Variants in PDK1 observed in about 807,000 individuals in gnomAD.
The protein encoded by PDK1 is [Pyruvate dehydrogenase (acetyl-transferring)] kinase isozyme 1, mitochondrial.
A neutral mutation model predicts 54.2 loss-of-function variants in PDK1; 39 were observed. That is an observed-to-expected ratio of 0.72 (90% confidence interval 0.56 to 0.94). The LOEUF is 0.94. Among genes scored for constraint, PDK1 ranks in the 40% least tolerant of loss-of-function variants. PDK1 has a pLI of 0.00. For missense variants in PDK1, 552 were observed against 566.0 expected (o/e 0.98, Z 0.25); for synonymous variants, 221 against 207.1 (o/e 1.07, Z -0.58).
the PDK1 span, among the ~76,000 whole-genome samples, chr2:172,688,861 C>T: frequency 2.0e-5 from 3 of 152,184 alleles, no homozygotes; most frequent in Non-Finnish European, 4.4e-5. Context: ...GCATCTTCTG[C>T]TGAAGGTGTG....
the PDK1 span, among the ~76,000 whole-genome samples, chr2:172,661,939 C>A: frequency 6.6e-6 from 1 of 152,194 alleles, no homozygotes; most frequent in African/African-American, 2.4e-5. Context: ...TGCGTTTGTA[C>A]ACTCTGAGTC....
chr2:172,699,478 C>CTTTTTTTTTT, the PDK1 span, among the ~76,000 whole-genome samples: 1 of 130,234 alleles, frequency 7.7e-6, no homozygotes, highest in Non-Finnish European at 1.6e-5. Flanking sequence ...CCTCATCTGA[C>CTTTTTTTTTT]TTTTTTTTTT....
At chr2:172,563,265 G>A (rs1688752836) in intron 3 of PDK1, among the ~76,000 whole-genome samples, 2 of 152,094 alleles carry the variant, frequency 1.3e-5, no homozygotes. Context: ...ATACAGATTT[G>A]TGTTTCTTTG....
chr2:172,559,227 G>C (rs1054178524), intron 2 of PDK1, among the ~76,000 whole-genome samples: 2 of 152,078 alleles, frequency 1.3e-5, no homozygotes, highest in Non-Finnish European at 2.9e-5. Flanking sequence ...GATTACAGAC[G>C]TGAGCCACCG....
intron 7 of PDK1, among the ~76,000 whole-genome samples, chr2:172,569,275 G>A (rs2149225387): frequency 6.6e-6 from 1 of 152,244 alleles, no homozygotes; most frequent in Admixed American, 6.5e-5. Flanking sequence ...ACCCTCAAAG[G>A]ACCAGAATTC....
chr2:172,689,731 C>G, the PDK1 span, among the ~76,000 whole-genome samples: 2 of 151,884 alleles, frequency 1.3e-5, no homozygotes, highest in Non-Finnish European at 2.9e-5. Flanking sequence ...ACAAACCTGA[C>G]AAAAACAAGA....
At chr2:172,720,110 CTCTCTCTTTT>C in the PDK1 span, among the ~76,000 whole-genome samples, 2 of 103,388 alleles carry the variant, frequency 1.9e-5, no homozygotes, top group African/African-American at 7.7e-5. Context: ...CTCTCTCTCT[CTCTCTCTTTT>C]TTTTTTTTTT....
Position 172,570,777 on chromosome 2 carries a change from C to T in PDK1, c.898C>T (p.Pro300Ser), listed in dbSNP as rs755995707. The T allele has an allele frequency of 3.1e-6, 5 of 1,612,110 alleles. No individual in the cohort carries two copies. The South Asian group carries it at 3.3e-5, about 11-fold the overall frequency. The change falls in exon 8 of 11, where the codon CCT becomes TCT. Residue 300 changes from proline (P) to serine (S), a missense_variant. Transcript: ENST00000282077. The part of the protein sequence containing the change: ...EHHANRGVYP[P>S]IQVHVTLGNE... ...CCATGCCAACAGAGGTGTTTACCCC[C>T]CTATTCAAGTTCATGTCACGCTGGG...
Position 172,608,021 on chromosome 2 carries a change from A to G in PDK1, c.*12052A>G, listed in dbSNP as rs1389588603. The G allele has an allele frequency of 9.9e-5, 15 of 152,218 alleles. No homozygotes were observed. Among genetic ancestry groups the G allele is most frequent in the Admixed American group, 9.8e-4 (15 of 15,290 alleles). The allele number at this position is 152,218 out of a possible 1,614,324, so 9.4% of individuals were successfully genotyped here. ...GTAAAAGGTAAAAATCTGAATAATA[A>G]AGTTTATTAATAACAGTTTTAGTTA... On this transcript the variant is annotated 3_prime_UTR_variant, in exon 11 of 11. Coordinates refer to ENST00000282077, the MANE Select transcript of PDK1 (RefSeq NM_002610.5).
the PDK1 span, among the ~76,000 whole-genome samples, chr2:172,634,076 A>G: frequency 6.0e-5 from 9 of 150,666 alleles, no homozygotes; most frequent in African/African-American, 1.9e-4. Context: ...GGGTTTCACT[A>G]TGTTGGCCAG....
the PDK1 span, among the ~76,000 whole-genome samples, chr2:172,705,462 C>T: frequency 2.0e-5 from 3 of 152,182 alleles, no homozygotes; most frequent in Non-Finnish European, 4.4e-5. Flanking sequence ...TCTATTCTGC[C>T]CTATCTTATT....
chr2:172,664,311 C>CAAAAAAA, the PDK1 span, among the ~76,000 whole-genome samples: 1,033 of 43,802 alleles, frequency 0.024, 247 homozygotes, highest in African/African-American at 0.069. Context: ...AACTCTGCCT[C>CAAAAAAA]AAAAAAAAAA....
At chr2:172,559,012 G>C (rs993982512) in intron 2 of PDK1, among the ~76,000 whole-genome samples, 163 bp downstream of exon 2, 1 of 152,142 alleles carries the variant, frequency 6.6e-6, no homozygotes, top group African/African-American at 2.4e-5. Context: ...GCAGTGGCGC[G>C]ATCTTGCCTC....
chr2:172,701,100 A>T, the PDK1 span, among the ~76,000 whole-genome samples: 1 of 152,142 alleles, frequency 6.6e-6, no homozygotes. Flanking sequence ...ATTTGTACAA[A>T]GTAATAGATG....
At chr2:172,555,767 C>T (rs1688273689), upstream of PDK1, 1 of 173,792 alleles carries the variant, frequency 5.8e-6, no homozygotes, top group Non-Finnish European at 1.2e-5. Context: ...TCCATACCGC[C>T]TCGCCTCTTA....
intron 8 of PDK1, among the ~76,000 whole-genome samples, chr2:172,572,335 CT>C (rs1333392228): frequency 2.0e-5 from 3 of 152,068 alleles, no homozygotes; most frequent in Non-Finnish European, 4.4e-5. Flanking sequence ...TCCATTGTTC[CT>C]TTTTTAAAAA....
At chr2:172,717,512 C>A in the PDK1 span, among the ~76,000 whole-genome samples, 1 of 152,180 alleles carries the variant, frequency 6.6e-6, no homozygotes, top group African/African-American at 2.4e-5. Context: ...TAAACTATAT[C>A]CTTGGCTAAA....
chr2:172,649,470 T>C, the PDK1 span, among the ~76,000 whole-genome samples: 4 of 152,100 alleles, frequency 2.6e-5, no homozygotes, highest in Non-Finnish European at 5.9e-5. Flanking sequence ...GGAACAAAGC[T>C]GGGTGGAGAA....
intron 6 of PDK1, among the ~76,000 whole-genome samples, chr2:172,567,323 CTG>C (rs1689012844): frequency 6.6e-6 from 1 of 152,148 alleles, no homozygotes; most frequent in Non-Finnish European, 1.5e-5. Flanking sequence ...AGGACATAGA[CTG>C]GGGTTATAAA....
Sources: gnomAD v4.1 joint callset for allele counts (sites outside exome capture counted in the v4.1 genomes callset) on GRCh38, gnomAD v4.1.1 for gene constraint, MANE v1.5 for transcripts, NCBI Gene and HGNC (gene_info 2026-07-23, HGNC 2026-07-21) for gene names.